Variants in PTPRT observed in about 807,000 individuals in gnomAD.
The protein encoded by PTPRT is receptor-type tyrosine-protein phosphatase T.
PTPRT carries 56 observed loss-of-function variants against 176.8 expected under a neutral mutation model. The observed-to-expected ratio is 0.32, with a 90% confidence interval of 0.26 to 0.40. The LOEUF (loss-of-function observed/expected upper bound fraction) is 0.40. Among genes scored for constraint, PTPRT ranks in the 10% least tolerant of loss-of-function variants. The pLI is 1.00. For missense variants in PTPRT, 1,540 were observed against 1,908.2 expected (o/e 0.81, Z 3.60); for synonymous variants, 783 against 739.0 (o/e 1.06, Z -0.96).
In PTPRT at chr20:42,193,492, T is replaced by A. The variant is rs538500682; in HGVS notation, c.2491+5748A>T. Among the ~76,000 whole-genome samples, 4 of 152,366 alleles carry A rather than the reference T, an allele frequency of 2.6e-5. No individual in the cohort carries two copies. In the South Asian group the frequency reaches 8.3e-4, roughly 32 times the overall value. Reference sequence around the variant, plus strand: ...ATCCACAGTAGAGGAGAAGGAACACTGATTTAGGAGTCAGAGAGCCTTATT... The same window carrying A: ...ATCCACAGTAGAGGAGAAGGAACACAGATTTAGGAGTCAGAGAGCCTTATT... On this transcript the variant is annotated intron_variant, in intron 16 of 30. Transcript: ENST00000373187.
At chr20:42,615,060 A>G (rs1386563527) in intron 7 of PTPRT, among the ~76,000 whole-genome samples, 1 of 134,770 alleles carries the variant, frequency 7.4e-6, no homozygotes. Context: ...AGCATTAGGT[A>G]TATCTCCCAA....
intron 6 of PTPRT, among the ~76,000 whole-genome samples, chr20:42,696,068 A>G (rs1240960540): frequency 6.6e-6 from 1 of 152,012 alleles, no homozygotes; most frequent in Admixed American, 6.5e-5. Flanking sequence ...ATTCTGTTAC[A>G]CTAAGTCTAC....
At chr20:42,683,271 T>TTTTTTTTTTG (rs1555898538) in intron 6 of PTPRT, among the ~76,000 whole-genome samples, 2 of 149,280 alleles carry the variant, frequency 1.3e-5, no homozygotes, top group African/African-American at 5.0e-5. Context: ...TTACTTGTTT[T>TTTTTTTTTTG]TTTTGTTTTG....
the PTPRT span, among the ~76,000 whole-genome samples, chr20:42,033,783 G>T: frequency 1.3e-5 from 2 of 152,148 alleles, no homozygotes; most frequent in African/African-American, 2.4e-5. Context: ...TGCATGGGGG[G>T]ATCTGGCACA....
chr20:42,800,211 A>G (rs2077510596), intron 2 of PTPRT, among the ~76,000 whole-genome samples: 1 of 152,208 alleles, frequency 6.6e-6, no homozygotes, highest in Admixed American at 6.5e-5. Context: ...AAGGCCACAC[A>G]GCTGGTAGCA....
In PTPRT at chr20:42,098,010, C is replaced by G. The variant is rs1030474192; in HGVS notation, c.3846+411G>C. ...GTTCAAGTCCCAGGCTCTGTCTGTA[C>G]AGGCTGCATTGCAGAGGGGGAAGGG... On this transcript the variant is annotated intron_variant, in intron 27 of 30. Coordinates refer to ENST00000373187, the MANE Select transcript of PTPRT (RefSeq NM_007050.6). Among the ~76,000 whole-genome samples, 6 of 152,294 alleles carry G rather than the reference C, an allele frequency of 3.9e-5. No homozygotes were observed. The East Asian group carries it at 1.2e-3, about 29-fold the overall frequency.
At chr20:42,371,404 A>G (rs537213534) in intron 9 of PTPRT, among the ~76,000 whole-genome samples, 1 of 152,324 alleles carries the variant, frequency 6.6e-6, no homozygotes, top group South Asian at 2.1e-4. Context: ...AGAACACACT[A>G]AGAAAAAGCA....
intron 2 of PTPRT, among the ~76,000 whole-genome samples, chr20:42,832,601 C>G (rs1355641056): frequency 2.0e-5 from 3 of 148,750 alleles, no homozygotes; most frequent in Admixed American, 2.0e-4. Context: ...TTCCAAGAAC[C>G]AAGATAACTA....
chr20:42,694,060 C>A (rs546374601), intron 6 of PTPRT, among the ~76,000 whole-genome samples: 17 of 141,510 alleles, frequency 1.2e-4, no homozygotes, highest in Admixed American at 8.7e-4. Context: ...TTTTTTTGAG[C>A]CAGAGTCTCG....
At chr20:42,335,438 A>T (rs1177199351) in intron 11 of PTPRT, among the ~76,000 whole-genome samples, 5 of 83,480 alleles carry the variant, frequency 6.0e-5, no homozygotes, top group Admixed American at 1.1e-4. Flanking sequence ...GCAGTGAATT[A>T]AAAAAAATGA....
At chr20:42,321,407 A>G in intron 11 of PTPRT, among the ~76,000 whole-genome samples, 1 of 152,210 alleles carries the variant, frequency 6.6e-6, no homozygotes, top group South Asian at 2.1e-4. Context: ...CTACAAAATC[A>G]TAAACCTAGG....
At chr20:42,415,683 A>ACCTG (rs1180090914) in intron 9 of PTPRT, among the ~76,000 whole-genome samples, 1 of 152,248 alleles carries the variant, frequency 6.6e-6, no homozygotes, top group Non-Finnish European at 1.5e-5. Context: ...ATGCTAGCAT[A>ACCTG]CATACCTGCA....
chr20:42,998,138 C>A (rs1984332417), intron 1 of PTPRT, among the ~76,000 whole-genome samples: 1 of 152,174 alleles, frequency 6.6e-6, no homozygotes, highest in South Asian at 2.1e-4. Context: ...GTAAAATATG[C>A]AAACATTAAC....
chr20:42,903,547 A>G (rs1192404800), intron 1 of PTPRT, among the ~76,000 whole-genome samples: 6 of 152,130 alleles, frequency 3.9e-5, no homozygotes, highest in African/African-American at 1.4e-4. Flanking sequence ...TGTAGATAAA[A>G]TATTATTGCG....
intron 7 of PTPRT, among the ~76,000 whole-genome samples, chr20:42,568,890 A>G (rs1003100882): frequency 1.3e-5 from 2 of 150,978 alleles, no homozygotes; most frequent in Non-Finnish European, 2.9e-5. Flanking sequence ...TCTATTAAAA[A>G]ATACAAAAAC....
At chr20:42,184,051 C>T (rs904508661) in intron 16 of PTPRT, among the ~76,000 whole-genome samples, 6 of 152,102 alleles carry the variant, frequency 3.9e-5, no homozygotes, top group African/African-American at 1.4e-4. Flanking sequence ...TTGGGCCTTC[C>T]ATCCCTGACA....
At chr20:43,095,247 C>A (rs2012081398) in intron 1 of PTPRT, among the ~76,000 whole-genome samples, 1 of 152,140 alleles carries the variant, frequency 6.6e-6, no homozygotes, top group African/African-American at 2.4e-5. Context: ...CAAGCAGTTT[C>A]ACACCCAGTG....
At chr20:42,964,242 C>T (rs1982165917) in intron 1 of PTPRT, among the ~76,000 whole-genome samples, 1 of 151,950 alleles carries the variant, frequency 6.6e-6, no homozygotes, top group Non-Finnish European at 1.5e-5. Flanking sequence ...TCAAGTGTAT[C>T]GAAATATTTT....
At chr20:42,269,511 T>G (rs1370975807) in intron 13 of PTPRT, among the ~76,000 whole-genome samples, 1 of 152,330 alleles carries the variant, frequency 6.6e-6, no homozygotes, top group East Asian at 1.9e-4. Flanking sequence ...GGTCTCTAGG[T>G]CAGCAGATTA....
Sources: gnomAD v4.1 joint callset for allele counts (sites outside exome capture counted in the v4.1 genomes callset) on GRCh38, gnomAD v4.1.1 for gene constraint, MANE v1.5 for transcripts, NCBI Gene and HGNC (gene_info 2026-07-23, HGNC 2026-07-21) for gene names.